Variants in SYNE1 observed in about 807,000 individuals in gnomAD.
The protein encoded by SYNE1 is spectrin repeat containing nuclear envelope protein 1.
SYNE1 carries 616 observed loss-of-function variants against 1,111.0 expected under a neutral mutation model. The observed-to-expected ratio is 0.55, with a 90% CI of 0.52 to 0.59. The LOEUF (loss-of-function observed/expected upper bound fraction) is 0.59, where lower values mean the gene tolerates loss of function less well. Ranked by LOEUF, SYNE1 falls within the 20% of genes least tolerant of loss-of-function variation. The pLI is 0.00. For missense variants in SYNE1, 10,006 were observed against 10,417.0 expected (o/e 0.96, Z 1.72); for synonymous variants, 3,855 against 3,825.8 (o/e 1.01, Z -0.28).
At chr6:152,170,795 G>T (rs535427785) in intron 130 of SYNE1, among the ~76,000 whole-genome samples, 3 of 152,156 alleles carry the variant, frequency 2.0e-5, no homozygotes. Context: ...TATGCTTAGC[G>T]GTTGATATGG....
chr6:152,496,612 A>T (rs2154315654), intron 11 of SYNE1, among the ~76,000 whole-genome samples: 1 of 152,256 alleles, frequency 6.6e-6, no homozygotes, highest in African/African-American at 2.4e-5. Flanking sequence ...TCTTCAGTTT[A>T]ATCTCTCCCA....
rs750944448 is a variant in SYNE1 at position 152,151,622 on chromosome 6, C to T, written c.24381G>A (p.Met8127Ile). 3 of 1,614,140 alleles carry T rather than the reference C, an allele frequency of 1.9e-6. No individual in the cohort carries two copies. Among genetic ancestry groups the T allele is most frequent in the Non-Finnish European group, 2.5e-6 (3 of 1,180,030 alleles). Residue 8127 changes from methionine (M) to isoleucine (I), a missense_variant, in exon 135 of 146, where the codon ATG becomes ATA. Transcript: ENST00000367255. ...GTTCAATATTAGTGAGCTGCAGATC[C>T]ATCTCTGTGAGCCAGACCAGAATGC... is the stretch of plus-strand genomic sequence containing the variant. ...RDSILVWLTE[M>I]DLQLTNIEHF...
rs1161238122 is a variant in SYNE1, at chr6:152,361,425, A to G, written c.10299+745T>C. On this transcript the variant is annotated intron_variant, in intron 64 of 145. Transcript: ENST00000367255. ...GCAAGAAACAAGGTGAAAAATTAGG[A>G]GTCTGTTCCAGTTCAGGTGAAGAGG... 5.3e-5 allele frequency among the ~76,000 whole-genome samples: 8 copies of G among 152,326 alleles called. No homozygotes were observed. In the South Asian group the frequency reaches 1.7e-3, roughly 32 times the overall value.
intron 138 of SYNE1, 88 bp from the exon 139 acceptor site, chr6:152,141,417 CAAGAG>C: frequency 6.4e-7 from 1 of 1,564,848 alleles, no homozygotes; most frequent in Non-Finnish European, 8.7e-7. Flanking sequence ...AATTTCTCAG[CAAGAG>C]AAGTGTCTGT....
intron 93 of SYNE1, among the ~76,000 whole-genome samples, chr6:152,295,325 G>A (rs541596923): frequency 6.6e-6 from 1 of 152,246 alleles, no homozygotes; most frequent in African/African-American, 2.4e-5. Flanking sequence ...GGAACATGGA[G>A]ACTGCTTCCT....
chr6:152,326,192 G>A lies in SYNE1; in HGVS notation c.15294-90C>T, dbSNP rs947983393. On this transcript the variant is annotated intron_variant, in intron 79 of 145. Coordinates refer to ENST00000367255, the MANE Select transcript of SYNE1 (RefSeq NM_182961.4). ...GTGTCAGTATGTCTAATGATACTCA[G>A]GGAAAAATGAATTTACGTGCTAATG... 6 of 1,611,794 alleles carry A rather than the reference G, an allele frequency of 3.7e-6. No individual in the cohort carries two copies. The African/African-American group carries it at 8.0e-5, about 22-fold the overall frequency.
intron 101 of SYNE1, 21 bp downstream of exon 101, chr6:152,262,011 A>G: frequency 1.3e-6 from 2 of 1,587,852 alleles, no homozygotes; most frequent in Non-Finnish European, 8.6e-7. Context: ...TAGTTAATAT[A>G]TAATGTAAAA....
intron 4 of SYNE1, among the ~76,000 whole-genome samples, chr6:152,532,562 T>C (rs762358386): frequency 6.6e-6 from 1 of 152,186 alleles, no homozygotes; most frequent in Non-Finnish European, 1.5e-5. Flanking sequence ...CACACACTAT[T>C]GAGCACAGTC....
chr6:152,493,512 T>C (rs1480539281), intron 11 of SYNE1, among the ~76,000 whole-genome samples: 1 of 152,092 alleles, frequency 6.6e-6, no homozygotes, highest in Non-Finnish European at 1.5e-5. Context: ...TCAAGCCCTT[T>C]CTCATACTTT....
intron 102 of SYNE1, among the ~76,000 whole-genome samples, chr6:152,256,015 C>A (rs2090719862): frequency 6.6e-6 from 1 of 152,196 alleles, no homozygotes; most frequent in South Asian, 2.1e-4. Flanking sequence ...ATGAGAATTA[C>A]TTGAACCCAG....
chr6:152,290,141 T>G (rs1294670034), intron 95 of SYNE1, among the ~76,000 whole-genome samples: 1 of 152,176 alleles, frequency 6.6e-6, no homozygotes, highest in Non-Finnish European at 1.5e-5. Context: ...GAGCTTTGTG[T>G]GGCAACACAT....
intron 3 of SYNE1, among the ~76,000 whole-genome samples, chr6:152,543,872 A>C (rs1426774012): frequency 6.6e-6 from 1 of 152,228 alleles, no homozygotes; most frequent in Non-Finnish European, 1.5e-5. Flanking sequence ...TAGGAGTAAT[A>C]GGCTATATCA....
At chr6:152,279,173 AG>A (rs1318889833) in intron 97 of SYNE1, among the ~76,000 whole-genome samples, 1 of 141,856 alleles carries the variant, frequency 7.0e-6, no homozygotes, top group Admixed American at 7.1e-5. Flanking sequence ...TTTTGAGACA[AG>A]GTCTCCTCTA....
At chr6:152,390,728 A>G (rs1321130454) in intron 52 of SYNE1, among the ~76,000 whole-genome samples, 1 of 152,168 alleles carries the variant, frequency 6.6e-6, no homozygotes, top group African/African-American at 2.4e-5. Context: ...AAAGAGTGAA[A>G]ATACATTCTT....
At chr6:152,462,294 T>G (rs2154266319) in intron 20 of SYNE1, among the ~76,000 whole-genome samples, 1 of 152,336 alleles carries the variant, frequency 6.6e-6, no homozygotes, top group Middle Eastern at 3.4e-3. Context: ...ATGATACTGT[T>G]GTTTGCTTTT....
At position 152,373,152 on chromosome 6, in the gene SYNE1, A is replaced by C; in HGVS notation, c.9392T>G (p.Leu3131Arg). Residue 3131 changes from leucine to arginine, a missense_variant, in exon 59 of 146, where the codon CTG becomes CGG. Transcript: ENST00000367255. ...TTTCTCTTTGGTCAGCAGGGTACTC[A>C]GAAGTTCCCCTTTAGACAGCATCAT... The part of the protein sequence containing the change: ...LNMMLSKGEL[L>R]STLLTKEKAK... 6.2e-7 allele frequency: 1 copy of C among 1,614,112 alleles called. No homozygotes were observed. Among genetic ancestry groups the C allele is most frequent in the Non-Finnish European group, 8.5e-7 (1 of 1,180,034 alleles).
At chr6:152,384,834 C>T (rs1018926971) in intron 55 of SYNE1, among the ~76,000 whole-genome samples, 21 of 150,826 alleles carry the variant, frequency 1.4e-4, no homozygotes, top group Admixed American at 4.6e-4. Context: ...GAGCCAAGAT[C>T]GTGCCACTGC....
chr6:152,431,290 T>G lies in SYNE1; in HGVS notation c.4462-581A>C, dbSNP rs149059394. 3.4e-3 allele frequency among the ~76,000 whole-genome samples: 515 copies of G among 152,306 alleles called. 3 individuals carry two copies. The highest frequency in any genetic ancestry group is 0.01 in the African/African-American group (432 of 41,568). On this transcript the variant is annotated intron_variant, in intron 34 of 145. Coordinates refer to ENST00000367255, the MANE Select transcript of SYNE1 (RefSeq NM_182961.4). ...GGTCCCTATTCTCCGGGATTCAGACTTACTAAGTCTAAGGTGGGGCTCAAG... is the reference window on the plus strand; with the variant it reads ...GGTCCCTATTCTCCGGGATTCAGACGTACTAAGTCTAAGGTGGGGCTCAAG...
At chr6:152,433,695 GA>G in intron 34 of SYNE1, 99 bp downstream of exon 34, 1 of 1,400,482 alleles carries the variant, frequency 7.1e-7, no homozygotes, top group Non-Finnish European at 1.0e-6. Flanking sequence ...ACATTGCAAT[GA>G]AAGTCTTGTC....
Sources: allele counts gnomAD v4.1 joint callset (sites outside exome capture counted in the v4.1 genomes callset), GRCh38; gene constraint gnomAD v4.1.1; transcripts MANE v1.5; gene names NCBI Gene and HGNC (gene_info 2026-07-23, HGNC 2026-07-21).